AKAP13: variants seen among roughly 807,000 people sequenced by gnomAD.
AKAP13 encodes A-kinase anchor protein 13.
In AKAP13, 80 loss-of-function variants were observed where a neutral mutation model predicts 264.5. The observed-to-expected ratio is 0.30, with a 90% CI of 0.25 to 0.36. The LOEUF (loss-of-function observed/expected upper bound fraction) is 0.36, where lower values mean the gene tolerates loss of function less well. AKAP13 is among the 10% of genes least tolerant of loss of function. The pLI is 1.00. For missense variants in AKAP13, 3,712 were observed against 3,435.2 expected, an observed-to-expected ratio of 1.08 and a Z score of -2.01; for synonymous variants, 1,380 against 1,250.2, an observed-to-expected ratio of 1.10 and a Z score of -2.19.
chr15:85,492,762 CT>C (rs1205919306), intron 2 of AKAP13, among the ~76,000 whole-genome samples: 1 of 152,054 alleles, frequency 6.6e-6, no homozygotes, highest in Non-Finnish European at 1.5e-5. Flanking sequence ...TCTTTAGTCT[CT>C]TAATTTTATT....
At chr15:85,384,350 CCT>C (rs1385423317) in intron 1 of AKAP13, among the ~76,000 whole-genome samples, 1 of 152,174 alleles carries the variant, frequency 6.6e-6, no homozygotes, top group Admixed American at 6.5e-5. Flanking sequence ...AAGTAGCTTC[CCT>C]CTCTCTTTCC....
intron 10 of AKAP13, among the ~76,000 whole-genome samples, 183 bp from the exon 11 acceptor site, chr15:85,655,234 C>T (rs186024107): frequency 9.9e-5 from 15 of 152,178 alleles, no homozygotes; most frequent in African/African-American, 3.6e-4. Flanking sequence ...TGTTTCTCTT[C>T]TAGAGTCCAG....
chr15:85,568,171 G>A (rs951654355), intron 5 of AKAP13, among the ~76,000 whole-genome samples: 10 of 151,922 alleles, frequency 6.6e-5, no homozygotes, highest in Admixed American at 2.0e-4. Context: ...ATGGTGGTGC[G>A]TGCCTGTAGT....
At chr15:85,434,277 G>T (rs1279433152) in intron 1 of AKAP13, among the ~76,000 whole-genome samples, 1 of 152,176 alleles carries the variant, frequency 6.6e-6, no homozygotes, top group African/African-American at 2.4e-5. Flanking sequence ...TTAAAAAACG[G>T]CGAACCACGA....
At position 85,719,134 on chromosome 15, in the gene AKAP13, C is replaced by T. The variant is rs1388110117; in HGVS notation, c.6060C>T (p.Tyr2020=). Residue 2020 remains tyrosine (Y), a synonymous_variant, in exon 23 of 37, where the codon TAC becomes TAT. Transcript: ENST00000394518. ...VRTLKIMSGV[Y]SQGMMADLLF... is the part of the protein sequence containing the mutation. ...CTCTCAAGATCATGAGTGGTGTGTACAGCCAGGGGATGATGGCGGATCTGC... is the reference window on the plus strand; with the variant it reads ...CTCTCAAGATCATGAGTGGTGTGTATAGCCAGGGGATGATGGCGGATCTGC... 1 of 1,614,154 alleles carries T rather than the reference C, an allele frequency of 6.2e-7. No homozygotes were observed. Among genetic ancestry groups the T allele is most frequent in the South Asian group, 1.1e-5 (1 of 91,088 alleles).
At chr15:85,418,023 A>G (rs1025489022) in intron 1 of AKAP13, among the ~76,000 whole-genome samples, 11 of 150,514 alleles carry the variant, frequency 7.3e-5, no homozygotes, top group African/African-American at 2.4e-4. Flanking sequence ...ACATTTTTAC[A>G]TTCTTTTTGT....
intron 5 of AKAP13, among the ~76,000 whole-genome samples, chr15:85,559,391 A>G (rs1295840311): frequency 6.6e-6 from 1 of 152,154 alleles, no homozygotes; most frequent in Non-Finnish European, 1.5e-5. Flanking sequence ...TGTGGAAGAC[A>G]GTTTTTTCAT....
chr15:85,575,136 A>G lies in AKAP13; in HGVS notation c.668A>G (p.Asn223Ser). The change falls in exon 6 of 37, where the codon AAT becomes AGT. Residue 223 changes from asparagine to serine, a missense_variant. Around this residue, in one of 3 missense-constraint regions of AKAP13, gnomAD observed 2,759 missense variants for 2,411.7 expected, o/e 1.14. Coordinates refer to ENST00000394518, the MANE Select transcript of AKAP13 (RefSeq NM_007200.5). ...HKLHQLLTEE[N>S]AGEPDSWSSL... ...CCAGAGATGCTTGCATGTAGGGAGA[A>G]TGCTGGAGAACCAGACTCCTGGAGC... The G allele has an allele frequency of 6.2e-7, 1 of 1,614,104 alleles. No individual in the cohort carries two copies. The highest frequency in any genetic ancestry group is 8.5e-7 in the Non-Finnish European group (1 of 1,179,970).
intron 10 of AKAP13, among the ~76,000 whole-genome samples, chr15:85,654,444 C>CA (rs1225579976): frequency 6.6e-6 from 1 of 151,968 alleles, no homozygotes; most frequent in African/African-American, 2.4e-5. Context: ...TTTTCATATA[C>CA]AAAAAACCCA....
At chr15:85,555,349 TC>T (rs562345984) in intron 5 of AKAP13, 228 of 1,062,218 alleles carry the variant, frequency 2.1e-4, no homozygotes, top group Non-Finnish European at 2.8e-4. Context: ...ATGCTGCAGT[TC>T]CTTGTCAGAA....
intron 3 of AKAP13, among the ~76,000 whole-genome samples, chr15:85,528,002 C>G (rs1245253952): frequency 6.6e-6 from 1 of 152,208 alleles, no homozygotes; most frequent in African/African-American, 2.4e-5. Context: ...TTTTGGATAG[C>G]TGATGAAACA....
intron 1 of AKAP13, among the ~76,000 whole-genome samples, chr15:85,473,834 T>G (rs2075054394): frequency 1.3e-5 from 2 of 152,214 alleles, no homozygotes; most frequent in African/African-American, 2.4e-5. Flanking sequence ...TCAAATGAGA[T>G]GCCATCTGTG....
At chr15:85,534,269 C>G (rs969837591) in intron 4 of AKAP13, 1 of 229,524 alleles carries the variant, frequency 4.4e-6, no homozygotes, top group Admixed American at 5.4e-5. Context: ...TAAAGATAGC[C>G]TGGAAGTGAA....
intron 1 of AKAP13, among the ~76,000 whole-genome samples, chr15:85,472,283 G>A (rs1362785669): frequency 6.6e-6 from 1 of 151,012 alleles, no homozygotes; most frequent in Non-Finnish European, 1.5e-5. Context: ...GAGGCAGGAG[G>A]ATCACTTGAG....
rs376356452 is a variant in AKAP13 at position 85,629,574 on chromosome 15, G to T, written c.4162-9800G>T. On this transcript the variant is annotated intron_variant, in intron 8 of 36. Transcript: ENST00000394518. Reference sequence around the variant, plus strand: ...CTGGAAGCTTATGGTCTTTTGAGCAGATAAAGCTATAAATACAATATAGTT... The same window carrying T: ...CTGGAAGCTTATGGTCTTTTGAGCATATAAAGCTATAAATACAATATAGTT... Among the ~76,000 whole-genome samples the T allele has an allele frequency of 1.1e-4, 17 of 152,142 alleles. No homozygotes were observed. In the South Asian group the frequency reaches 3.5e-3, roughly 32 times the overall value.
rs544400192 is a variant in AKAP13, at chr15:85,664,486, C to G, written c.4800-77C>G. Reference sequence around the variant, plus strand: ...ATAATACACAAACAAGGGAGATATACCCAAAGGGATTTTGTGTCCTCCTTT... The same window carrying G: ...ATAATACACAAACAAGGGAGATATAGCCAAAGGGATTTTGTGTCCTCCTTT... On this transcript the variant is annotated intron_variant, in intron 12 of 36. Coordinates refer to ENST00000394518, the MANE Select transcript of AKAP13 (RefSeq NM_007200.5). 16 of 1,429,014 alleles carry G rather than the reference C, an allele frequency of 1.1e-5. No individual in the cohort carries two copies. The African/African-American group carries it at 1.7e-4, about 15-fold the overall frequency. The allele number at this position is 1,429,014 out of a possible 1,614,324, so 88.5% of individuals were successfully genotyped here.
chr15:85,517,565 T>C (rs1055145416), intron 2 of AKAP13, among the ~76,000 whole-genome samples: 1 of 152,154 alleles, frequency 6.6e-6, no homozygotes, highest in Non-Finnish European at 1.5e-5. Flanking sequence ...GAAGTTACAG[T>C]GCCATTATTA....
intron 27 of AKAP13, 174 bp from the exon 28 acceptor site, chr15:85,726,888 CTTTT>C: frequency 5.9e-6 from 4 of 680,298 alleles, no homozygotes; most frequent in Non-Finnish European, 9.7e-6. Context: ...CTTTTGAAAT[CTTTT>C]TTTGTTAAAA....
At chr15:85,568,307 GA>G (rs1044042150) in intron 5 of AKAP13, among the ~76,000 whole-genome samples, 18 of 150,474 alleles carry the variant, frequency 1.2e-4, no homozygotes, top group South Asian at 4.2e-4. Context: ...AAGAAAAAAG[GA>G]AAAAAAAAGT....
Sources: gnomAD v4.1 joint callset for allele counts (sites outside exome capture counted in the v4.1 genomes callset) on GRCh38, gnomAD v4.1.1 for gene constraint, gnomAD v4.1.1 regional missense constraint, MANE v1.5 for transcripts, NCBI Gene and HGNC (gene_info 2026-07-23, HGNC 2026-07-21) for gene names.